The following CCDC125 variants were observed in gnomAD, a reference collection of about 807,000 sequenced individuals.
CCDC125 encodes coiled-coil domain containing 125.
CCDC125 carries 43 observed loss-of-function variants against 57.4 expected under a neutral mutation model. The ratio of observed to expected loss-of-function variants is 0.75; its 90% CI spans 0.59 to 0.97. The LOEUF (loss-of-function observed/expected upper bound fraction) is 0.97. Among genes scored for constraint, CCDC125 ranks in the 50% least tolerant of loss-of-function variants. CCDC125 has a pLI of 0.00. For missense variants in CCDC125, 563 were observed against 595.7 expected (o/e 0.95, Z 0.57); for synonymous variants, 187 against 195.2 (o/e 0.96, Z 0.35).
Position 69,311,729 on chromosome 5 carries a change from T to C in CCDC125, c.367-525A>G, listed in dbSNP as rs184983765. 1.2e-3 allele frequency among the ~76,000 whole-genome samples: 174 copies of C among 148,510 alleles called. 2 individuals carry two copies. The East Asian group carries it at 0.026, about 22-fold the overall frequency. ...TACTCCGGAGGCTGAGGCATGAGAATTGCTTGAACCAGGAAGGTCTCTGAG... is the reference window on the plus strand; with the variant it reads ...TACTCCGGAGGCTGAGGCATGAGAACTGCTTGAACCAGGAAGGTCTCTGAG... On this transcript the variant is annotated intron_variant, in intron 3 of 11. Transcript: ENST00000396496.
At position 69,329,463 on chromosome 5, in the gene CCDC125, C is replaced by G. The variant is rs566606388; in HGVS notation, c.-41+3186G>C. ...TCGGCCTCCCAAAGTGCTGAGATTACAGGTGTGAGCCACCATGCCCAGCCA... is the reference window on the plus strand; with the variant it reads ...TCGGCCTCCCAAAGTGCTGAGATTAGAGGTGTGAGCCACCATGCCCAGCCA... On this transcript the variant is annotated intron_variant, in intron 1 of 11. Coordinates refer to ENST00000396496, the MANE Select transcript of CCDC125 (RefSeq NM_176816.5). 1.7e-4 allele frequency among the ~76,000 whole-genome samples: 26 copies of G among 150,230 alleles called. No individual in the cohort carries two copies. In the South Asian group the frequency reaches 4.8e-3, roughly 28 times the overall value.
At chr5:69,279,638 G>T (rs1414747151), downstream of CCDC125, among the ~76,000 whole-genome samples, 1 of 152,114 alleles carries the variant, frequency 6.6e-6, no homozygotes, top group African/African-American at 2.4e-5. Context: ...CAGCAGCAGT[G>T]CATCAAACCC....
chr5:69,307,693 AAAAG>A, intron 5 of CCDC125: 19 of 437,394 alleles, frequency 4.3e-5, no homozygotes, highest in Middle Eastern at 1.3e-3. Flanking sequence ...AAAAAAAAAA[AAAAG>A]AAGAAGAAAT....
At chr5:69,275,889 C>A (rs577569217), downstream of CCDC125, among the ~76,000 whole-genome samples, 3 of 152,126 alleles carry the variant, frequency 2.0e-5, no homozygotes, top group Non-Finnish European at 2.9e-5. Flanking sequence ...TTAATCTTGG[C>A]TTCCATCCCC....
downstream of CCDC125, among the ~76,000 whole-genome samples, chr5:69,275,992 T>G (rs1752094031): frequency 6.6e-6 from 1 of 152,196 alleles, no homozygotes; most frequent in Admixed American, 6.5e-5. Flanking sequence ...TCAGCCTGTA[T>G]AGGCTATTTA....
chr5:69,291,485 G>A (rs936895703), intron 10 of CCDC125, among the ~76,000 whole-genome samples: 9 of 152,074 alleles, frequency 5.9e-5, no homozygotes, highest in African/African-American at 2.2e-4. Context: ...CTCCTGAGCA[G>A]GTGGTATTAC....
chr5:69,315,513 T>C (rs771533424), intron 2 of CCDC125, among the ~76,000 whole-genome samples: 2 of 59,958 alleles, frequency 3.3e-5, no homozygotes, highest in Non-Finnish European at 9.4e-5. Flanking sequence ...TCCTAGCACC[T>C]TGGGAGGCTG....
chr5:69,327,799 A>G (rs1230181821), intron 1 of CCDC125, among the ~76,000 whole-genome samples: 2 of 152,196 alleles, frequency 1.3e-5, no homozygotes, highest in Non-Finnish European at 2.9e-5. Flanking sequence ...TTCAATTGTC[A>G]ATTTAGGGGA....
chr5:69,278,977 C>T (rs1279079089), downstream of CCDC125, among the ~76,000 whole-genome samples: 1 of 150,434 alleles, frequency 6.6e-6, no homozygotes, highest in East Asian at 2.0e-4. Flanking sequence ...AGGTGATCCT[C>T]CTACCTTAGC....
chr5:69,325,186 T>C (rs1760570763), intron 1 of CCDC125, among the ~76,000 whole-genome samples: 1 of 151,530 alleles, frequency 6.6e-6, no homozygotes, highest in Non-Finnish European at 1.5e-5. Flanking sequence ...ATTAGCCAGG[T>C]GTGGTGGTGC....
rs538480756 is a variant in CCDC125 at position 69,320,566 on chromosome 5, GA to G, written c.-27del. ...GAGCCAAATGCCGTCTTTATCATAA[GA>G]AAAAATGGGCTGTCTGTAGTTAAGA... is the stretch of plus-strand genomic sequence containing the variant. On this transcript the variant is annotated 5_prime_UTR_variant, in exon 2 of 12. Coordinates refer to ENST00000396496, the MANE Select transcript of CCDC125 (RefSeq NM_176816.5). 2 of 1,528,882 alleles carry G rather than the reference GA, an allele frequency of 1.3e-6. No individual in the cohort carries two copies. The highest frequency in any genetic ancestry group is 1.8e-6 in the Non-Finnish European group (2 of 1,126,960). 94.7% of individuals were successfully genotyped at this position (1,528,882 alleles called of 1,614,324 possible).
intron 3 of CCDC125, among the ~76,000 whole-genome samples, chr5:69,311,651 A>G (rs79686604): frequency 0.11 from 16,679 of 149,776 alleles, 1,143 homozygotes; most frequent in African/African-American, 0.19. Context: ...CTCTGTCTCA[A>G]TTAAAAAAAT....
chr5:69,318,586 T>C (rs949244417), intron 2 of CCDC125, among the ~76,000 whole-genome samples: 1 of 81,130 alleles, frequency 1.2e-5, no homozygotes, highest in Admixed American at 1.3e-4. Flanking sequence ...CTACTAAAAA[T>C]ACAAAAAAAA....
intron 11 of CCDC125, among the ~76,000 whole-genome samples, chr5:69,284,390 G>T (rs557561577): frequency 1.3e-5 from 2 of 152,192 alleles, no homozygotes; most frequent in South Asian, 2.1e-4. Context: ...TGTGGAATGT[G>T]GGTAGCAGGA....
At chr5:69,325,101 A>G (rs551739247) in intron 1 of CCDC125, among the ~76,000 whole-genome samples, 6 of 152,272 alleles carry the variant, frequency 3.9e-5, no homozygotes, top group African/African-American at 1.4e-4. Context: ...AGGTGGGCGG[A>G]TCACGTGAGG....
intron 8 of CCDC125, 31 bp from the exon 9 acceptor site, chr5:69,294,931 TAA>T: frequency 6.3e-7 from 1 of 1,575,136 alleles, no homozygotes; most frequent in Non-Finnish European, 8.7e-7. Context: ...CTCCTGTTAT[TAA>T]GTGTCACACT....
intron 5 of CCDC125, 52 bp downstream of exon 5, chr5:69,307,899 A>G: frequency 7.1e-7 from 1 of 1,401,248 alleles, no homozygotes; most frequent in Non-Finnish European, 1.0e-6. Context: ...TAGGGAAATT[A>G]TATTTAACAG....
chr5:69,294,564 A>G (rs1238919637), intron 9 of CCDC125, among the ~76,000 whole-genome samples: 2 of 152,214 alleles, frequency 1.3e-5, no homozygotes, highest in East Asian at 3.8e-4. Flanking sequence ...AAGTGCTGGG[A>G]TTACAGGCGT....
At chr5:69,332,187 TCTTAA>T (rs1251228793) in intron 1 of CCDC125, among the ~76,000 whole-genome samples, 1 of 152,240 alleles carries the variant, frequency 6.6e-6, no homozygotes, top group East Asian at 1.9e-4. Context: ...GGATTTTGTT[TCTTAA>T]CTTTTCATTT....
Sources: gnomAD v4.1 joint callset for allele counts (sites outside exome capture counted in the v4.1 genomes callset) on GRCh38, gnomAD v4.1.1 for gene constraint, MANE v1.5 for transcripts, NCBI Gene and HGNC (gene_info 2026-07-23, HGNC 2026-07-21) for gene names.